Variants in KCNH5 observed in about 807,000 individuals in gnomAD.
The protein encoded by KCNH5 is voltage-gated delayed rectifier potassium channel KCNH5.
In KCNH5, 46 loss-of-function variants were observed where a neutral mutation model predicts 96.1. The observed-to-expected ratio is 0.48, with a 90% confidence interval of 0.38 to 0.61. The LOEUF (loss-of-function observed/expected upper bound fraction) is 0.61, where lower values mean the gene tolerates loss of function less well. Ranked by LOEUF, KCNH5 falls within the 20% of genes least tolerant of loss-of-function variation. The probability of loss-of-function intolerance (pLI) is 0.00; values close to 1 mark genes in which losing one functional copy is unlikely to be tolerated. For synonymous variants in KCNH5, 439 were observed against 449.8 expected (o/e 0.98, Z 0.30); for missense variants, 907 against 1,225.8 (o/e 0.74, Z 3.88).
chr14:62,998,279 G>A (rs1890947604), intron 4 of KCNH5, among the ~76,000 whole-genome samples: 1 of 152,132 alleles, frequency 6.6e-6, no homozygotes, highest in African/African-American at 2.4e-5. Flanking sequence ...GTTCGCAGTA[G>A]CCCTTTACTC....
intron 8 of KCNH5, among the ~76,000 whole-genome samples, chr14:62,819,552 T>C (rs769196385): frequency 6.6e-6 from 1 of 152,180 alleles, no homozygotes; most frequent in Admixed American, 6.5e-5. Context: ...GATTGTTGCA[T>C]AACCTTGTGG....
At position 62,849,845 on chromosome 14, in the gene KCNH5, A is replaced by T; in HGVS notation, c.1377T>A (p.Leu459=). The T allele has an allele frequency of 1.9e-6, 3 of 1,611,526 alleles. No individual in the cohort carries two copies. Among genetic ancestry groups the T allele is most frequent in the Non-Finnish European group, 2.5e-6 (3 of 1,177,766 alleles). The change falls in exon 8 of 11, where the codon CTT becomes CTA. Residue 459 remains leucine (L), a synonymous_variant. Transcript: ENST00000322893. The stretch of plus-strand genomic sequence containing the variant: ...TAACATTTCCAAAAATAGTTGCATA[A>T]AGAAGAGCTGAAAGAGAAGAAATGA... The part of the protein sequence containing the change: ...SVAMMMVGSL[L]YATIFGNVTT...
intron 7 of KCNH5, among the ~76,000 whole-genome samples, chr14:62,897,098 C>G (rs1888829050): frequency 1.3e-5 from 2 of 152,194 alleles, no homozygotes; most frequent in South Asian, 4.1e-4. Flanking sequence ...ATTTTGATCA[C>G]TAAATTGTGT....
At chr14:62,780,820 A>C (rs1196701745) in intron 9 of KCNH5, among the ~76,000 whole-genome samples, 2 of 152,152 alleles carry the variant, frequency 1.3e-5, no homozygotes, top group African/African-American at 4.8e-5. Flanking sequence ...AAGTGTAGTC[A>C]ACTGCATTCT....
intron 10 of KCNH5, among the ~76,000 whole-genome samples, chr14:62,748,186 A>G (rs1040374898): frequency 7.9e-5 from 12 of 152,200 alleles, no homozygotes; most frequent in African/African-American, 2.7e-4. Flanking sequence ...TAGACAGAGT[A>G]GGACGTTCCT....
At chr14:62,935,287 C>T (rs914163047) in intron 7 of KCNH5, among the ~76,000 whole-genome samples, 1 of 152,204 alleles carries the variant, frequency 6.6e-6, no homozygotes, top group African/African-American at 2.4e-5. Flanking sequence ...GGAGGATTTA[C>T]TGAGCACCTG....
chr14:63,026,684 T>C (rs536812682), intron 1 of KCNH5, among the ~76,000 whole-genome samples: 4 of 152,114 alleles, frequency 2.6e-5, no homozygotes, highest in Admixed American at 1.3e-4. Flanking sequence ...GGAATGGCTA[T>C]TATCAAAAAG....
intron 10 of KCNH5, among the ~76,000 whole-genome samples, chr14:62,740,787 T>C (rs1885255975): frequency 6.6e-6 from 1 of 152,126 alleles, no homozygotes; most frequent in Admixed American, 6.5e-5. Flanking sequence ...TAGTACTTAG[T>C]AAGAACAGAA....
chr14:63,022,701 C>G (rs892776408), intron 1 of KCNH5, among the ~76,000 whole-genome samples: 2 of 152,092 alleles, frequency 1.3e-5, no homozygotes, highest in African/African-American at 4.8e-5. Context: ...TTTTTATTTG[C>G]CATCATCTCT....
intron 7 of KCNH5, among the ~76,000 whole-genome samples, chr14:62,863,936 A>C (rs1009824142): frequency 1.3e-5 from 2 of 152,160 alleles, no homozygotes; most frequent in African/African-American, 2.4e-5. Context: ...TGAGTATACA[A>C]TTACCTCTTA....
chr14:63,009,866 G>T (rs1158629351), intron 2 of KCNH5, among the ~76,000 whole-genome samples: 2 of 152,126 alleles, frequency 1.3e-5, no homozygotes, highest in Non-Finnish European at 2.9e-5. Flanking sequence ...TCTTTGAATG[G>T]TTAATCAATT....
intron 4 of KCNH5, among the ~76,000 whole-genome samples, chr14:62,997,325 A>T (rs1358021680): frequency 6.6e-6 from 1 of 151,704 alleles, no homozygotes; most frequent in African/African-American, 2.4e-5. Context: ...TAAGAAAAAA[A>T]TAGTTAGAAT....
intron 8 of KCNH5, among the ~76,000 whole-genome samples, chr14:62,843,647 T>C (rs1887631841): frequency 6.6e-6 from 1 of 151,978 alleles, no homozygotes; most frequent in African/African-American, 2.4e-5. Context: ...CCTCACCTCG[T>C]GATCCGCCTG....
chr14:62,854,610 T>C (rs533342703), intron 7 of KCNH5, among the ~76,000 whole-genome samples: 1 of 152,044 alleles, frequency 6.6e-6, no homozygotes, highest in South Asian at 2.1e-4. Context: ...GAAGGTATCA[T>C]ATAGTCAATC....
intron 9 of KCNH5, among the ~76,000 whole-genome samples, chr14:62,790,976 G>T (rs1886422272): frequency 6.6e-6 from 1 of 150,984 alleles, no homozygotes; most frequent in African/African-American, 2.4e-5. Flanking sequence ...TATTTTTCTT[G>T]TCTGATTGCC....
Position 62,707,430 on chromosome 14 carries a change from T to A in KCNH5, c.*78A>T, listed in dbSNP as rs545415855. On this transcript the variant is annotated 3_prime_UTR_variant, in exon 11 of 11. Coordinates refer to ENST00000322893, the MANE Select transcript of KCNH5 (RefSeq NM_139318.5). Reference sequence around the variant, plus strand: ...TCATCATCTTGAAAGCAAGTGAAAATATATATATGTATATACTGTATATAC... The same window carrying A: ...TCATCATCTTGAAAGCAAGTGAAAAAATATATATGTATATACTGTATATAC... The A allele has an allele frequency of 6.3e-5, 42 of 669,750 alleles. No homozygotes were observed. Among genetic ancestry groups the A allele is most frequent in the Non-Finnish European group, 7.5e-5 (35 of 464,798 alleles). 41.5% of individuals were successfully genotyped at this position (669,750 alleles called of 1,614,324 possible). A position where few individuals can be genotyped will look rare whatever the true frequency, so the allele number is the denominator to read the frequency against.
chr14:62,779,909 A>G lies in KCNH5; in HGVS notation c.1838T>C (p.Phe613Ser). 6.2e-7 allele frequency: 1 copy of G among 1,612,968 alleles called. No individual in the cohort carries two copies. Among genetic ancestry groups the G allele is most frequent in the Non-Finnish European group, 8.5e-7 (1 of 1,179,448 alleles). Residue 613 changes from phenylalanine to serine, a missense_variant, in exon 10 of 11, where the codon TTT becomes TCT. Phe to Ser is a radical substitution (Grantham distance 155). Around this residue, in one of 6 missense-constraint regions of KCNH5, gnomAD observed 57 missense variants for 76.0 expected, o/e 0.75. Coordinates refer to ENST00000322893, the MANE Select transcript of KCNH5 (RefSeq NM_139318.5). ...VVAILGKGDV[F>S]GDIFWKETTL... ...GGTTTCCTTCCAGAAGATGTCTCCA[A>G]ATACATCACCCTTCCCTAGAAAACA...
intron 1 of KCNH5, among the ~76,000 whole-genome samples, chr14:63,043,977 G>A (rs1017494672): frequency 6.6e-6 from 1 of 152,102 alleles, no homozygotes; most frequent in Non-Finnish European, 1.5e-5. Flanking sequence ...AAACCACAGA[G>A]TATCTGTGGT....
chr14:62,903,183 G>C (rs1333673416), intron 7 of KCNH5, among the ~76,000 whole-genome samples: 1 of 152,054 alleles, frequency 6.6e-6, no homozygotes, highest in East Asian at 1.9e-4. Flanking sequence ...GCAAATGTTT[G>C]CCAAATGAAA....
Sources: allele counts gnomAD v4.1 joint callset (sites outside exome capture counted in the v4.1 genomes callset), GRCh38; gene constraint gnomAD v4.1.1; regional missense constraint gnomAD v4.1.1; transcripts MANE v1.5; gene names NCBI Gene and HGNC (gene_info 2026-07-23, HGNC 2026-07-21).